The following PLXDC2 variants were observed in gnomAD, a reference collection of about 807,000 sequenced individuals.
PLXDC2 encodes the protein plexin domain-containing protein 2.
Under a neutral mutation model 68.9 loss-of-function variants are expected in PLXDC2, and 40 were observed. The ratio of observed to expected loss-of-function variants is 0.58; its 90% confidence interval spans 0.45 to 0.76. The LOEUF is 0.76. Among genes scored for constraint, PLXDC2 ranks in the 30% least tolerant of loss-of-function variants. The pLI, the probability that PLXDC2 is intolerant of heterozygous loss-of-function variation, is 0.00. For synonymous variants in PLXDC2, 243 were observed against 234.2 expected (o/e 1.04, Z -0.34); for missense variants, 644 against 661.9 (o/e 0.97, Z 0.30).
intron 7 of PLXDC2, 104 bp from the exon 8 acceptor site, chr10:20,176,895 C>G (rs2131826075): frequency 1.3e-6 from 1 of 752,354 alleles, no homozygotes; most frequent in Middle Eastern, 3.9e-4. Context: ...AATTTTAAAA[C>G]CACATTGGGC....
chr10:19,867,109 A>G (rs1175970707), intron 1 of PLXDC2, among the ~76,000 whole-genome samples: 3 of 126,032 alleles, frequency 2.4e-5, no homozygotes, highest in South Asian at 2.5e-4. Context: ...CTTGTTGCCC[A>G]GGCTGGAGTG....
At chr10:19,877,576 G>A (rs578045616) in intron 1 of PLXDC2, among the ~76,000 whole-genome samples, 5 of 152,242 alleles carry the variant, frequency 3.3e-5, no homozygotes, top group African/African-American at 9.6e-5. Context: ...CTTCCTTTCC[G>A]TGTGGGCTGG....
intron 1 of PLXDC2, among the ~76,000 whole-genome samples, chr10:19,974,314 T>C (rs72789635): frequency 0.052 from 7,912 of 152,230 alleles, 261 homozygotes; most frequent in Middle Eastern, 0.092. Context: ...CATTGGACCA[T>C]GAGATGTAAA....
chr10:20,171,137 G>A (rs544638319), intron 7 of PLXDC2, among the ~76,000 whole-genome samples: 4 of 151,968 alleles, frequency 2.6e-5, no homozygotes, highest in South Asian at 2.1e-4. Context: ...CAAAACTTAC[G>A]AAAAATACAA....
At chr10:20,236,849 T>C (rs554742376) in intron 12 of PLXDC2, among the ~76,000 whole-genome samples, 1 of 152,274 alleles carries the variant, frequency 6.6e-6, no homozygotes, top group African/African-American at 2.4e-5. Flanking sequence ...GCACCGATCA[T>C]TGAATGAGAC....
intron 3 of PLXDC2, among the ~76,000 whole-genome samples, chr10:20,056,977 G>A (rs529813904): frequency 6.6e-6 from 1 of 152,192 alleles, no homozygotes; most frequent in South Asian, 2.1e-4. Flanking sequence ...CTGCTAAAAG[G>A]GAGACCCCTG....
chr10:20,062,182 T>C (rs1056355108), intron 3 of PLXDC2, among the ~76,000 whole-genome samples: 6 of 152,182 alleles, frequency 3.9e-5, no homozygotes, highest in Admixed American at 3.3e-4. Context: ...TCCCAGCACT[T>C]TGGGAGGCCG....
intron 6 of PLXDC2, among the ~76,000 whole-genome samples, chr10:20,160,729 A>G (rs371748905): frequency 2.6e-4 from 39 of 152,326 alleles, no homozygotes; most frequent in African/African-American, 8.7e-4. Context: ...ACAAAAGAAT[A>G]AACTAAAGAG....
chr10:19,839,657 A>G (rs1050862562), intron 1 of PLXDC2, among the ~76,000 whole-genome samples: 2 of 149,132 alleles, frequency 1.3e-5, no homozygotes, highest in African/African-American at 5.0e-5. Context: ...TGTGATGATT[A>G]AAATATGAAA....
intron 6 of PLXDC2, among the ~76,000 whole-genome samples, chr10:20,156,718 T>C (rs1834222036): frequency 1.3e-5 from 2 of 152,164 alleles, no homozygotes; most frequent in Admixed American, 1.3e-4. Context: ...TCACCTTGAC[T>C]GTCACGCTGT....
chr10:20,085,901 A>G (rs1041964543), intron 4 of PLXDC2, among the ~76,000 whole-genome samples: 2 of 152,246 alleles, frequency 1.3e-5, no homozygotes, highest in African/African-American at 4.8e-5. Context: ...CAAGAAAGCA[A>G]TTAGAGGTTT....
intron 3 of PLXDC2, among the ~76,000 whole-genome samples, chr10:20,052,635 C>T (rs1193536474): frequency 2.1e-5 from 3 of 142,852 alleles, no homozygotes; most frequent in Non-Finnish European, 4.5e-5. Context: ...ATTTAAGCTC[C>T]AAGGGGAAGA....
chr10:19,826,721 G>A (rs1409402727), intron 1 of PLXDC2, among the ~76,000 whole-genome samples: 2 of 152,100 alleles, frequency 1.3e-5, no homozygotes, highest in African/African-American at 4.8e-5. Context: ...TGGCTTTAAA[G>A]TTTTTATGTA....
intron 10 of PLXDC2, 109 bp downstream of exon 10, chr10:20,211,838 GAGA>G (rs1835074199): frequency 9.8e-7 from 1 of 1,018,934 alleles, no homozygotes; most frequent in Admixed American, 2.5e-5. Context: ...TTAATGAAAG[GAGA>G]AGAATCCTTC....
At chr10:19,943,978 C>T (rs1301384003) in intron 1 of PLXDC2, among the ~76,000 whole-genome samples, 1 of 152,186 alleles carries the variant, frequency 6.6e-6, no homozygotes, top group Non-Finnish European at 1.5e-5. Flanking sequence ...GGTATTAATT[C>T]TTACTACTTT....
intron 5 of PLXDC2, among the ~76,000 whole-genome samples, chr10:20,146,771 T>C (rs561602182): frequency 2.2e-4 from 34 of 152,296 alleles, no homozygotes; most frequent in African/African-American, 7.7e-4. Flanking sequence ...CTATTTAAAA[T>C]TGTCAACCAG....
intron 4 of PLXDC2, among the ~76,000 whole-genome samples, chr10:20,124,007 C>T (rs904949063): frequency 2.0e-5 from 3 of 151,454 alleles, no homozygotes; most frequent in African/African-American, 7.3e-5. Context: ...GGGTTTCTTG[C>T]CCCCCAGAAA....
intron 3 of PLXDC2, among the ~76,000 whole-genome samples, chr10:20,049,665 T>A (rs1835859209): frequency 6.6e-6 from 1 of 150,578 alleles, no homozygotes; most frequent in South Asian, 2.1e-4. Flanking sequence ...AAGTGAAAAA[T>A]CTCTACAATG....
At position 19,991,889 on chromosome 10, in the gene PLXDC2, T is replaced by G. The variant is rs1589574172; in HGVS notation, c.113-9886T>G. On this transcript the variant is annotated intron_variant, in intron 1 of 13. Coordinates refer to ENST00000377252, the MANE Select transcript of PLXDC2 (RefSeq NM_032812.9). ...TCCATAGTGAGGTATTGGCCATGAT[T>G]GGTCCTTGTTTACAGAATTTTCCAT... Among the ~76,000 whole-genome samples the G allele has an allele frequency of 2.0e-5, 3 of 152,242 alleles. No individual in the cohort carries two copies. In the East Asian group the frequency reaches 5.8e-4, roughly 29 times the overall value.
Sources: allele counts gnomAD v4.1 joint callset (sites outside exome capture counted in the v4.1 genomes callset), GRCh38; gene constraint gnomAD v4.1.1; transcripts MANE v1.5; gene names NCBI Gene and HGNC (gene_info 2026-07-23, HGNC 2026-07-21).